The following ATP8B3 variants were observed in gnomAD, a reference collection of about 807,000 sequenced individuals.
ATP8B3 encodes phospholipid-transporting ATPase IK.
A neutral mutation model predicts 140.9 loss-of-function variants in ATP8B3; 141 were observed. The observed-to-expected ratio is 1.00, with a 90% CI of 0.87 to 1.15. The LOEUF (loss-of-function observed/expected upper bound fraction) is 1.15. Ranked by LOEUF, ATP8B3 falls within the 50% of genes most tolerant of loss-of-function variation. The pLI, the probability that ATP8B3 is intolerant of heterozygous loss-of-function variation, is 0.00. For missense variants in ATP8B3, 1,874 were observed against 1,740.6 expected (o/e 1.08, Z -1.36); for synonymous variants, 765 against 714.6 (o/e 1.07, Z -1.13).
Position 1,789,638 on chromosome 19 carries a change from G to A in ATP8B3, c.2568C>T (p.Ser856=). 2 of 1,596,652 alleles carry A rather than the reference G, an allele frequency of 1.3e-6. No individual in the cohort carries two copies. The highest frequency in any genetic ancestry group is 2.3e-5 in the East Asian group (1 of 44,310). ...GCCTGGCGTAGAGGAAATCCCTCCT[G>A]GACTGGCCGAGCTCCTGCCACGCCT... The part of the protein sequence containing the change: ...MDEAWQELGQ[S]RRDFLYARRL... Residue 856 remains serine, a synonymous_variant, in exon 23 of 29, where the codon TCC becomes TCT. Coordinates refer to ENST00000310127, the MANE Select transcript of ATP8B3 (RefSeq NM_138813.4).
In ATP8B3 at chr19:1,789,182, A is replaced by AC. The variant is rs1279975427; in HGVS notation, c.2846-63dup. 7 of 777,102 alleles carry AC rather than the reference A, an allele frequency of 9.0e-6. No homozygotes were observed. The Admixed American group carries it at 9.7e-5, about 11-fold the overall frequency. The allele number at this position is 777,102 out of a possible 1,614,324, so 48.1% of individuals were successfully genotyped here. ...CCCCCAGTCCCGCCCGCCCCCCCAG[A>AC]CCCCCGCACTGTTCTGCCCCCTATC... On this transcript the variant is annotated intron_variant, in intron 23 of 28. Transcript: ENST00000310127.
At position 1,794,257 on chromosome 19, in the gene ATP8B3, C is replaced by T. The variant is rs537844706; in HGVS notation, c.2055+1618G>A. On this transcript the variant is annotated intron_variant, in intron 18 of 28. Transcript: ENST00000310127. This position sits in a 1 kb window ranked among gnomAD's most constrained non-coding sequence, Gnocchi z 4.8. ...GGCTTGACACAGCAGAGGAGCTTCACGGACATTGGCAGCCTCCGACAGGCC... is the reference window on the plus strand; with the variant it reads ...GGCTTGACACAGCAGAGGAGCTTCATGGACATTGGCAGCCTCCGACAGGCC... Among the ~76,000 whole-genome samples the T allele has an allele frequency of 6.6e-5, 10 of 152,308 alleles. No individual in the cohort carries two copies. The South Asian group carries it at 2.1e-3, about 32-fold the overall frequency.
Position 1,795,942 on chromosome 19 carries a change from T to C in ATP8B3, c.1988A>G (p.Asp663Gly). 6.2e-7 allele frequency: 1 copy of C among 1,613,254 alleles called. No homozygotes were observed. The highest frequency in any genetic ancestry group is 1.3e-5 in the African/African-American group (1 of 75,016). The change falls in exon 18 of 29, where the codon GAC becomes GGC. Residue 663 changes from aspartate (D) to glycine (G), a missense_variant. By Grantham distance (94) the Asp-to-Gly change is moderately conservative. Coordinates refer to ENST00000310127, the MANE Select transcript of ATP8B3 (RefSeq NM_138813.4). ...GAICLYTKGA[D>G]TVIFERLHRR... ...GTGCAAGCGTTCGAAGATGACCGTG[T>C]CGGCGCCCTTGGTGTACAGGCAGAT...
intron 28 of ATP8B3, among the ~76,000 whole-genome samples, chr19:1,784,524 A>C (rs1338924507): frequency 1.3e-5 from 2 of 152,238 alleles, no homozygotes; most frequent in East Asian, 1.9e-4. Flanking sequence ...AAAAAGTAAA[A>C]ATAAATAAAT....
Position 1,800,067 on chromosome 19 carries a change from G to A in ATP8B3, c.1432C>T (p.Arg478Cys), listed in dbSNP as rs762008139. ...YKPQDVPAKA[R>C]STSLNDHLGQ... ...AGGTGGTCGTTGAGGCTGGTGCTGC[G>A]GGCCTTGGCAGGCACGTCCTGCGGC... Residue 478 changes from arginine to cysteine, a missense_variant, in exon 14 of 29, where the codon CGC becomes TGC. Transcript: ENST00000310127. The surrounding 1 kb of genome is among the most constrained non-coding windows in gnomAD (Gnocchi z 4.4). 31 of 1,589,468 alleles carry A rather than the reference G, an allele frequency of 2.0e-5. No homozygotes were observed. The highest frequency in any genetic ancestry group is 2.6e-5 in the Non-Finnish European group (30 of 1,168,178).
At position 1,790,798 on chromosome 19, in the gene ATP8B3, C is replaced by T; in HGVS notation, c.2337G>A (p.Leu779=). The T allele has an allele frequency of 6.2e-7, 1 of 1,606,636 alleles. No individual in the cohort carries two copies. Among genetic ancestry groups the T allele is most frequent in the Non-Finnish European group, 8.5e-7 (1 of 1,177,506 alleles). Residue 779 remains leucine, a synonymous_variant, in exon 21 of 29, where the codon CTG becomes CTA. Transcript: ENST00000310127. ...TAVNIGFACE[L]LSENMLILEE... ...CCAGAATGAGCATATTCTCTGACAGCAGCTCGCAGGCGAAGCCGATGTTCA... is the reference window on the plus strand; with the variant it reads ...CCAGAATGAGCATATTCTCTGACAGTAGCTCGCAGGCGAAGCCGATGTTCA...
intron 20 of ATP8B3, 96 bp from the exon 21 acceptor site, chr19:1,790,928 A>G (rs1406239908): frequency 5.2e-5 from 56 of 1,085,344 alleles, no homozygotes; most frequent in Admixed American, 2.7e-4. Context: ...GGCCCGACCA[A>G]TGGCAGCCAC....
At chr19:1,798,767 C>A (rs368892008) in intron 14 of ATP8B3, 3 of 151,168 alleles carry the variant, frequency 2.0e-5, no homozygotes, top group Non-Finnish European at 4.4e-5. Flanking sequence ...AACAAACAAA[C>A]AAAACTATTT....
intron 26 of ATP8B3, 66 bp downstream of exon 26, chr19:1,785,403 G>C: frequency 6.3e-7 from 1 of 1,574,854 alleles, no homozygotes; most frequent in South Asian, 1.2e-5. Context: ...CAAAGCAGGG[G>C]TCCCCAGGGG....
intron 1 of ATP8B3, 92 bp from the exon 2 acceptor site, chr19:1,811,976 T>G: frequency 9.2e-6 from 5 of 540,552 alleles, no homozygotes; most frequent in East Asian, 6.3e-5. Context: ...CCACCCCGTC[T>G]TCCCGCAGCC....
chr19:1,782,963 T>C lies in ATP8B3; in HGVS notation c.*65A>G. On this transcript the variant is annotated 3_prime_UTR_variant, in exon 29 of 29. Coordinates refer to ENST00000310127, the MANE Select transcript of ATP8B3 (RefSeq NM_138813.4). ...AGGTGTAGGGGGGAGCTGTACTTCC[T>C]GGGAGGACACCTGCCCCTGTGGCTG... The C allele has an allele frequency of 6.5e-7, 1 of 1,542,888 alleles. No individual in the cohort carries two copies.
At position 1,783,143 on chromosome 19, in the gene ATP8B3, AG is replaced by A. The variant is rs752856353; in HGVS notation, c.3787del (p.Leu1263SerfsTer18). The stretch of plus-strand genomic sequence containing the variant: ...CCGCAGAATTGTGCCCTGAGTGATG[AG>A]GTTTGCATATCCCTCACGGTGGGAG... Reference protein sequence around the residue: ...AFSHREGYANLITQGTILRRG... With the variant: ...AFSHREGYANXITQGTILRRG... On this transcript the variant is annotated frameshift_variant, in exon 29 of 29. Transcript: ENST00000310127. LOFTEE classifies it low-confidence loss of function (END_TRUNC). 6.2e-7 allele frequency: 1 copy of A among 1,613,446 alleles called. No homozygotes were observed. Among genetic ancestry groups the A allele is most frequent in the East Asian group, 2.2e-5 (1 of 44,856 alleles).
At position 1,800,083 on chromosome 19, in the gene ATP8B3, G is replaced by T. The variant is rs371744041; in HGVS notation, c.1416C>A (p.Asp472Glu). ...WDVQMYYKPQ[D>E]VPAKARSTSL... The stretch of plus-strand genomic sequence containing the variant: ...TGGTGCTGCGGGCCTTGGCAGGCAC[G>T]TCCTGCGGCTTGTAGTACATCTGCA... The change falls in exon 14 of 29, where the codon GAC (aspartate) becomes GAA (glutamate). Residue 472 changes from aspartate (D) to glutamate (E), a missense_variant. Around this residue, in one of 3 missense-constraint regions of ATP8B3, gnomAD observed 1,032 missense variants for 963.6 expected, o/e 1.07. Transcript: ENST00000310127. This position sits in a 1 kb window ranked among gnomAD's most constrained non-coding sequence, Gnocchi z 4.4. 3 of 1,579,148 alleles carry T rather than the reference G, an allele frequency of 1.9e-6. No individual in the cohort carries two copies. The highest frequency in any genetic ancestry group is 1.7e-6 in the Non-Finnish European group (2 of 1,162,778).
In ATP8B3 at chr19:1,810,662, G is replaced by C. The variant is rs752737770; in HGVS notation, c.270C>G (p.Leu90=). Residue 90 remains leucine, a synonymous_variant, in exon 3 of 29, where the codon CTC becomes CTG. Transcript: ENST00000310127. The part of the protein sequence containing the change: ...RPEGPTSMGS[L]GQREDLQDED... ...CATCTTGGAGATCTTCTCTCTGGCC[G>C]AGGCTGCCCATGCTGGTGGGGCTGT... is the stretch of plus-strand genomic sequence containing the variant. 1 of 1,612,850 alleles carries C rather than the reference G, an allele frequency of 6.2e-7. No individual in the cohort carries two copies. Among genetic ancestry groups the C allele is most frequent in the Non-Finnish European group, 8.5e-7 (1 of 1,179,624 alleles).
At position 1,785,727 on chromosome 19, in the gene ATP8B3, T is replaced by A. The variant is rs760357053; in HGVS notation, c.3154-19A>T. 4.7e-6 allele frequency: 4 copies of A among 843,614 alleles called. No homozygotes were observed. In the Admixed American group the frequency reaches 9.0e-5, roughly 19 times the overall value. The allele number at this position is 843,614 out of a possible 1,614,324, so 52.3% of individuals were successfully genotyped here. A position where few individuals can be genotyped will look rare whatever the true frequency, so the allele number is the denominator to read the frequency against. ...TCACGTCCTTGGGGCAAGCAGAAGC[T>A]CTTGGGATTGGGTGGGGGGCGGGGG... On this transcript the variant is annotated intron_variant, in intron 25 of 28. Transcript: ENST00000310127.
At chr19:1,783,530 T>A (rs1285430498) in intron 28 of ATP8B3, among the ~76,000 whole-genome samples, 1 of 152,208 alleles carries the variant, frequency 6.6e-6, no homozygotes, top group African/African-American at 2.4e-5. Context: ...TCAGAGTTAT[T>A]CCCTGGGACT....
At position 1,785,141 on chromosome 19, in the gene ATP8B3, T is replaced by C. The variant is rs1456198114; in HGVS notation, c.3532+18A>G. ...CCTGCACCACGACCGCCCGTCCCAC[T>C]TCCCCATGGGGGCTCACACAGAAAC... On this transcript the variant is annotated intron_variant, in intron 27 of 28. Transcript: ENST00000310127. 14 of 1,537,822 alleles carry C rather than the reference T, an allele frequency of 9.1e-6. No individual in the cohort carries two copies. In the African/African-American group the frequency reaches 1.2e-4, roughly 14 times the overall value.
At position 1,807,537 on chromosome 19, in the gene ATP8B3, G is replaced by A. The variant is rs548443090; in HGVS notation, c.517-271C>T. 4.3e-4 allele frequency among the ~76,000 whole-genome samples: 66 copies of A among 152,092 alleles called. No homozygotes were observed. The highest frequency in any genetic ancestry group is 1.5e-3 in the African/African-American group (62 of 41,486). On this transcript the variant is annotated intron_variant, in intron 5 of 28. Transcript: ENST00000310127. This position sits in a 1 kb window ranked among gnomAD's most constrained non-coding sequence, Gnocchi z 5.9. The stretch of plus-strand genomic sequence containing the variant: ...CAGCTCCCACGGTGCCTTCTCCAGG[G>A]AGCCTCCCCCAGCCCCAAGCTTGGC...
intron 24 of ATP8B3, among the ~76,000 whole-genome samples, chr19:1,788,689 G>A (rs988647508): frequency 9.9e-5 from 15 of 152,164 alleles, no homozygotes; most frequent in African/African-American, 3.4e-4. Flanking sequence ...GGAAGGTGTT[G>A]GGCACAGAGC....
Sources: allele counts gnomAD v4.1 joint callset (sites outside exome capture counted in the v4.1 genomes callset), GRCh38; gene constraint gnomAD v4.1.1; regional missense constraint gnomAD v4.1.1; non-coding constraint Gnocchi (gnomAD v3.1); transcripts MANE v1.5; gene names NCBI Gene and HGNC (gene_info 2026-07-23, HGNC 2026-07-21).